SGCE: variants seen among roughly 807,000 people sequenced by gnomAD.
SGCE encodes the protein sarcoglycan epsilon.
In SGCE, 26 loss-of-function variants were observed where a neutral mutation model predicts 57.8. The ratio of observed to expected loss-of-function variants is 0.45; its 90% CI spans 0.33 to 0.62. SGCE has a LOEUF of 0.62. SGCE is among the 20% of genes least tolerant of loss of function. SGCE has a pLI of 0.02. For synonymous variants in SGCE, 183 were observed against 189.5 expected (o/e 0.97, Z 0.28); for missense variants, 468 against 548.6 (o/e 0.85, Z 1.47).
chr7:94,588,948 A>G (rs893054109), intron 9 of SGCE: 72 of 567,662 alleles, frequency 1.3e-4, no homozygotes, highest in African/African-American at 1.2e-3. Context: ...TGAAATTTTC[A>G]CTGCGGGCTA....
intron 5 of SGCE, among the ~76,000 whole-genome samples, chr7:94,616,377 T>C (rs1408030589): frequency 6.6e-6 from 1 of 152,226 alleles, no homozygotes; most frequent in Non-Finnish European, 1.5e-5. Flanking sequence ...CTAAGACTTA[T>C]GCTAAGTATT....
chr7:94,595,629 A>G (rs945621841), intron 9 of SGCE, among the ~76,000 whole-genome samples: 17 of 152,278 alleles, frequency 1.1e-4, no homozygotes, highest in Middle Eastern at 3.4e-3. Context: ...ATTCAATTCA[A>G]TCCAAATGAC....
At chr7:94,630,408 C>T (rs937244986) in intron 1 of SGCE, among the ~76,000 whole-genome samples, 3 of 151,684 alleles carry the variant, frequency 2.0e-5, no homozygotes, top group Admixed American at 6.6e-5. Context: ...ATTCATTCCT[C>T]GCATCTCTTG....
At chr7:94,639,729 C>T (rs1035796379) in intron 1 of SGCE, among the ~76,000 whole-genome samples, 1 of 152,130 alleles carries the variant, frequency 6.6e-6, no homozygotes, top group African/African-American at 2.4e-5. Flanking sequence ...TATACACACA[C>T]ACATATATAA....
At chr7:94,600,405 T>G (rs1237788262) in intron 7 of SGCE, 1 of 458,948 alleles carries the variant, frequency 2.2e-6, no homozygotes, top group Non-Finnish European at 3.9e-6. Flanking sequence ...GTTTTGCCAG[T>G]GTGAATTTAC....
At chr7:94,624,162 C>CAAAAAAA (rs11331999) in intron 3 of SGCE, 1 of 334,668 alleles carries the variant, frequency 3.0e-6, no homozygotes, top group Non-Finnish European at 5.2e-6. Context: ...TGCAGTACCT[C>CAAAAAAA]AAAAAAAAAA....
chr7:94,646,028 C>G (rs1023341565), intron 1 of SGCE, among the ~76,000 whole-genome samples: 5 of 152,084 alleles, frequency 3.3e-5, no homozygotes, highest in African/African-American at 1.2e-4. Flanking sequence ...GTAGAGGCTA[C>G]TCAGAAGAGG....
intron 1 of SGCE, among the ~76,000 whole-genome samples, chr7:94,630,207 A>G (rs1180967433): frequency 6.6e-6 from 1 of 151,890 alleles, no homozygotes; most frequent in African/African-American, 2.4e-5. Flanking sequence ...GACCAGCTAC[A>G]TAATTGCTAC....
chr7:94,625,335 T>A (rs1294833344), intron 3 of SGCE: 1 of 152,040 alleles, frequency 6.6e-6, no homozygotes, highest in East Asian at 1.9e-4. Context: ...AGTCACTATA[T>A]TATATGAAAG....
intron 5 of SGCE, chr7:94,617,643 C>A (rs1802128650): frequency 6.6e-6 from 1 of 152,174 alleles, no homozygotes. Flanking sequence ...GGTACATAGA[C>A]AAGAGATAAA....
intron 5 of SGCE, among the ~76,000 whole-genome samples, chr7:94,610,846 T>C (rs899263527): frequency 6.6e-6 from 1 of 152,184 alleles, no homozygotes; most frequent in Non-Finnish European, 1.5e-5. Context: ...AGGATATGAA[T>C]AGACCTATTT....
intron 1 of SGCE, among the ~76,000 whole-genome samples, chr7:94,649,428 A>T (rs1328836151): frequency 1.3e-5 from 2 of 152,144 alleles, no homozygotes; most frequent in Non-Finnish European, 2.9e-5. Context: ...GACACTGGGG[A>T]TTATTACTTC....
intron 1 of SGCE, among the ~76,000 whole-genome samples, chr7:94,641,963 C>T (rs888254115): frequency 2.6e-5 from 4 of 151,924 alleles, no homozygotes; most frequent in Non-Finnish European, 4.4e-5. Context: ...CCGAGGCTAC[C>T]GATTTAATCA....
intron 7 of SGCE, chr7:94,599,994 T>C (rs575740424): frequency 3.4e-4 from 113 of 331,468 alleles, no homozygotes; most frequent in African/African-American, 2.2e-3. Flanking sequence ...CATAATGAAA[T>C]CAAGCTACAT....
chr7:94,597,006 C>T (rs557403070), intron 9 of SGCE, among the ~76,000 whole-genome samples: 14 of 152,080 alleles, frequency 9.2e-5, no homozygotes, highest in Non-Finnish European at 1.6e-4. Flanking sequence ...TGAATTATTA[C>T]AATATTCTTG....
intron 1 of SGCE, among the ~76,000 whole-genome samples, chr7:94,633,123 C>T (rs1392870565): frequency 1.3e-5 from 2 of 151,976 alleles, no homozygotes; most frequent in African/African-American, 4.8e-5. Context: ...CTCTGTGTAT[C>T]GCATGGTTTT....
intron 9 of SGCE, chr7:94,590,986 G>A (rs780988479): frequency 6.6e-6 from 1 of 151,860 alleles, no homozygotes; most frequent in Non-Finnish European, 1.5e-5. Flanking sequence ...GATATTACTA[G>A]GGAAATAATA....
intron 5 of SGCE, among the ~76,000 whole-genome samples, chr7:94,607,000 C>T (rs1780998218): frequency 6.6e-6 from 1 of 151,728 alleles, no homozygotes; most frequent in Admixed American, 6.6e-5. Context: ...TGAATGCATA[C>T]ATTAGAAAAG....
chr7:94,644,651 G>T, intron 1 of SGCE: 1 of 1,285,788 alleles, frequency 7.8e-7, no homozygotes, highest in Non-Finnish European at 1.0e-6. Flanking sequence ...TACTTCATTT[G>T]TCTCTTTCAT....
Sources: allele counts gnomAD v4.1 joint callset (sites outside exome capture counted in the v4.1 genomes callset), GRCh38; gene constraint gnomAD v4.1.1; transcripts MANE v1.5; gene names NCBI Gene and HGNC (gene_info 2026-07-23, HGNC 2026-07-21).